FMN1: variants seen among roughly 807,000 people sequenced by gnomAD.
The protein encoded by FMN1 is formin 1.
FMN1 carries 110 observed loss-of-function variants against 132.4 expected under a neutral mutation model. The observed-to-expected ratio is 0.83, with a 90% CI of 0.71 to 0.97. The LOEUF (loss-of-function observed/expected upper bound fraction) is 0.97. Ranked by LOEUF, FMN1 falls within the 50% of genes least tolerant of loss-of-function variation. The pLI, the probability that FMN1 is intolerant of heterozygous loss-of-function variation, is 0.00. For missense variants in FMN1, 1,792 were observed against 1,705.3 expected (o/e 1.05, Z -0.90); for synonymous variants, 722 against 651.7 (o/e 1.11, Z -1.64).
intron 4 of FMN1, among the ~76,000 whole-genome samples, chr15:33,121,916 C>T (rs1335208600): frequency 6.6e-6 from 1 of 152,198 alleles, no homozygotes; most frequent in Admixed American, 6.5e-5. Flanking sequence ...TAAGAAAAAT[C>T]TAGAACTTAA....
chr15:33,018,413 G>A (rs924282879), intron 6 of FMN1, among the ~76,000 whole-genome samples: 6 of 152,134 alleles, frequency 3.9e-5, no homozygotes, highest in Non-Finnish European at 7.4e-5. Context: ...GGGGAGGGCA[G>A]AGGAGCTGAA....
At chr15:32,996,015 C>T (rs1390271587) in intron 7 of FMN1, among the ~76,000 whole-genome samples, 2 of 152,284 alleles carry the variant, frequency 1.3e-5, no homozygotes, top group African/African-American at 2.4e-5. Flanking sequence ...ACAAACTTTA[C>T]CATCCAAAAA....
In FMN1 at chr15:33,093,725, G is replaced by C. The variant is rs138622139; in HGVS notation, c.1868-4751C>G. 2.8e-3 allele frequency among the ~76,000 whole-genome samples: 424 copies of C among 152,306 alleles called. 1 individual carries two copies. The highest frequency in any genetic ancestry group is 9.8e-3 in the African/African-American group (409 of 41,560). On this transcript the variant is annotated intron_variant, in intron 4 of 20. Coordinates refer to ENST00000616417, the MANE Select transcript of FMN1 (RefSeq NM_001277313.2). ...AATGAGCAAAGATGGACAGGCGGAA[G>C]GTGTGGCCAGGCAGAGAAAGGCTGA...
At chr15:32,799,005 A>G in intron 18 of FMN1, 52 bp from the exon 19 acceptor site, 1 of 1,551,106 alleles carries the variant, frequency 6.4e-7, no homozygotes, top group Admixed American at 1.9e-5. Context: ...GAAATTGCCA[A>G]CACTAAAATC....
rs2036618196 is a variant in FMN1 at position 33,045,132 on chromosome 15, T to C, written c.2161+19825A>G. 2.0e-5 allele frequency among the ~76,000 whole-genome samples: 3 copies of C among 152,342 alleles called. 1 individual carries two copies. The highest frequency in any genetic ancestry group is 6.8e-3 in the Middle Eastern group (2 of 294). On this transcript the variant is annotated intron_variant, in intron 6 of 20. Transcript: ENST00000616417. Reference sequence around the variant, plus strand: ...AGATTCCAGGTGCCACCGCATTCCCTGATGCCAGCCGTGGAAGCTGCTTGT... The same window carrying C: ...AGATTCCAGGTGCCACCGCATTCCCCGATGCCAGCCGTGGAAGCTGCTTGT...
At chr15:32,905,938 G>C (rs1377786455) in intron 12 of FMN1, among the ~76,000 whole-genome samples, 1 of 152,122 alleles carries the variant, frequency 6.6e-6, no homozygotes, top group Non-Finnish European at 1.5e-5. Flanking sequence ...GCCCAGGCAA[G>C]TCACCTCACC....
Position 32,981,174 on chromosome 15 carries a change from G to GT in FMN1, c.2224-11698dup, listed in dbSNP as rs2032624153. On this transcript the variant is annotated intron_variant, in intron 7 of 20. Transcript: ENST00000616417. ...TAAAATGTGATTTTTAAGATTTTCT[G>GT]TAACTAAAATATTACATTCAAATTA... Among the ~76,000 whole-genome samples the GT allele has an allele frequency of 2.0e-5, 3 of 151,918 alleles. No homozygotes were observed. The South Asian group carries it at 6.2e-4, about 31-fold the overall frequency.
At chr15:32,921,414 G>C (rs1195421908) in intron 10 of FMN1, among the ~76,000 whole-genome samples, 1 of 152,174 alleles carries the variant, frequency 6.6e-6, no homozygotes, top group East Asian at 1.9e-4. Flanking sequence ...TGAAATAAGA[G>C]ATCTATGTTT....
At chr15:32,783,964 C>T (rs1270244933) in intron 19 of FMN1, among the ~76,000 whole-genome samples, 1 of 151,976 alleles carries the variant, frequency 6.6e-6, no homozygotes, top group Admixed American at 6.6e-5. Context: ...AGTACCAAGT[C>T]TTTATTCTTT....
chr15:32,835,193 C>CG (rs2058593975), intron 17 of FMN1, among the ~76,000 whole-genome samples: 7 of 152,124 alleles, frequency 4.6e-5, no homozygotes, highest in Admixed American at 2.6e-4. Context: ...AGCTGGGATA[C>CG]GTGTCAGGCC....
chr15:32,934,837 C>T (rs2061220904), intron 9 of FMN1, among the ~76,000 whole-genome samples: 1 of 151,790 alleles, frequency 6.6e-6, no homozygotes, highest in Non-Finnish European at 1.5e-5. Context: ...AAACTCCTGA[C>T]CTCAGGTGAT....
chr15:32,828,796 T>A (rs992149661), intron 17 of FMN1, among the ~76,000 whole-genome samples: 1 of 152,218 alleles, frequency 6.6e-6, no homozygotes, highest in East Asian at 1.9e-4. Flanking sequence ...ATAGAAAGCA[T>A]ACATTCCGAC....
At chr15:32,937,896 T>C (rs902295543) in intron 9 of FMN1, among the ~76,000 whole-genome samples, 16 of 152,146 alleles carry the variant, frequency 1.1e-4, no homozygotes, top group African/African-American at 3.4e-4. Flanking sequence ...AGGAAACAAA[T>C]GGAGGACAAT....
In FMN1 at chr15:32,776,807, T is replaced by A. The variant is rs1160621803; in HGVS notation, c.4215+28A>T. ...CGCACCTCAATTTTCATGACAATCG[T>A]TAGATTATGTTGAAAAATATATCTC... On this transcript the variant is annotated intron_variant, in intron 20 of 20. Transcript: ENST00000616417. 2.2e-6 allele frequency: 3 copies of A among 1,392,556 alleles called. No individual in the cohort carries two copies. The Admixed American group carries it at 5.7e-5, about 27-fold the overall frequency. 86.3% of individuals were successfully genotyped at this position (1,392,556 alleles called of 1,614,324 possible). A position where few individuals can be genotyped will look rare whatever the true frequency, so the allele number is the denominator to read the frequency against.
chr15:33,078,204 A>G (rs1398570384), intron 5 of FMN1, among the ~76,000 whole-genome samples: 5 of 152,144 alleles, frequency 3.3e-5, no homozygotes, highest in Admixed American at 1.3e-4. Context: ...ATAATACTTA[A>G]CTCATAGAAT....
rs1966215218 is a variant in FMN1, at chr15:33,194,710, A to G, written c.-481T>C. On this transcript the variant is annotated 5_prime_UTR_variant, in exon 1 of 21. Transcript: ENST00000616417. ...GCGCTCCAGTCCAGAGCCAAAGCCCAAAGGGGCAGCTGCGCCGACCTCCAC... is the reference window on the plus strand; with the variant it reads ...GCGCTCCAGTCCAGAGCCAAAGCCCGAAGGGGCAGCTGCGCCGACCTCCAC... The G allele has an allele frequency of 6.6e-6, 1 of 152,446 alleles. No homozygotes were observed. Among genetic ancestry groups the G allele is most frequent in the Non-Finnish European group, 1.5e-5 (1 of 68,260 alleles). The allele number at this position is 152,446 out of a possible 1,614,324, so 9.4% of individuals were successfully genotyped here.
chr15:32,977,300 G>C (rs1192587675), intron 7 of FMN1, among the ~76,000 whole-genome samples: 1 of 152,112 alleles, frequency 6.6e-6, no homozygotes, highest in Admixed American at 6.5e-5. Context: ...GATCCTCAAT[G>C]ATTAATAATC....
chr15:32,787,000 C>T (rs926130498), intron 19 of FMN1, among the ~76,000 whole-genome samples: 1 of 152,204 alleles, frequency 6.6e-6, no homozygotes, highest in African/African-American at 2.4e-5. Flanking sequence ...ATCGTAGAGA[C>T]CTGACCAGGG....
Position 32,773,530 on chromosome 15 carries a change from C to T in FMN1, c.*780G>A, listed in dbSNP as rs2056317872. 6.6e-6 allele frequency: 1 copy of T among 152,174 alleles called. No individual in the cohort carries two copies. Among genetic ancestry groups the T allele is most frequent in the African/African-American group, 2.4e-5 (1 of 41,420 alleles). 9.4% of individuals were successfully genotyped at this position (152,174 alleles called of 1,614,324 possible). On this transcript the variant is annotated 3_prime_UTR_variant, in exon 21 of 21. Coordinates refer to ENST00000616417, the MANE Select transcript of FMN1 (RefSeq NM_001277313.2). ...GCTTGCTCAGGTATTACATTTTCTC[C>T]TGGGAGTTGGGGTGCAGAATCTCTG...
Sources: allele counts gnomAD v4.1 joint callset (sites outside exome capture counted in the v4.1 genomes callset), GRCh38; gene constraint gnomAD v4.1.1; transcripts MANE v1.5; gene names NCBI Gene and HGNC (gene_info 2026-07-23, HGNC 2026-07-21).